COL5A1: variants seen among roughly 807,000 people sequenced by gnomAD.
The protein encoded by COL5A1 is collagen type V alpha 1 chain.
In COL5A1, 16 loss-of-function variants were observed where a neutral mutation model predicts 263.7. That is an observed-to-expected ratio of 0.06 (90% CI 0.04 to 0.09). The LOEUF (loss-of-function observed/expected upper bound fraction) is 0.09. COL5A1 is among the 10% of genes least tolerant of loss of function. The probability of loss-of-function intolerance (pLI) is 1.00; values close to 1 mark genes in which losing one functional copy is unlikely to be tolerated. For synonymous variants in COL5A1, 1,012 were observed against 1,004.5 expected (o/e 1.01, Z -0.14); for missense variants, 2,036 against 2,540.5 (o/e 0.80, Z 4.27).
In COL5A1 at chr9:134,809,405, G is replaced by A. The variant is rs2132839280; in HGVS notation, c.3474+115G>A. 15 of 809,862 alleles carry A rather than the reference G, an allele frequency of 1.9e-5. No individual in the cohort carries two copies. The South Asian group carries it at 2.2e-4, about 12-fold the overall frequency. The allele number at this position is 809,862 out of a possible 1,614,324, so 50.2% of individuals were successfully genotyped here. On this transcript the variant is annotated intron_variant, in intron 43 of 65. Coordinates refer to ENST00000371817, the MANE Select transcript of COL5A1 (RefSeq NM_000093.5). The stretch of plus-strand genomic sequence containing the variant: ...CAGGTAGAGCGGCTCAGCCAGCGGA[G>A]TGATGCCACACCCACCCCGCAGTCC...
intron 64 of COL5A1, among the ~76,000 whole-genome samples, chr9:134,832,177 G>A (rs535095806): frequency 2.0e-4 from 31 of 152,128 alleles, no homozygotes; most frequent in South Asian, 8.3e-4. Context: ...AGGCTGAGGC[G>A]GATGGATCAC....
intron 1 of COL5A1, among the ~76,000 whole-genome samples, chr9:134,657,959 C>T (rs909948504): frequency 2.0e-5 from 3 of 151,924 alleles, no homozygotes; most frequent in African/African-American, 2.4e-5. Flanking sequence ...GAGTCCTGGC[C>T]TGTCGGGTGG....
intron 1 of COL5A1, among the ~76,000 whole-genome samples, chr9:134,672,688 T>A (rs1832571340): frequency 6.6e-6 from 1 of 152,056 alleles, no homozygotes; most frequent in South Asian, 2.1e-4. Context: ...GGTAAGAAAA[T>A]AAAATAAGAG....
At position 134,798,456 on chromosome 9, in the gene COL5A1, G is replaced by A. The variant is rs146348246; in HGVS notation, c.2947G>A (p.Glu983Lys). 30 of 1,614,100 alleles carry A rather than the reference G, an allele frequency of 1.9e-5. No homozygotes were observed. Among genetic ancestry groups the A allele is most frequent in the Non-Finnish European group, 2.5e-5 (30 of 1,179,952 alleles). The change falls in exon 37 of 66, where the codon GAG becomes AAG. Residue 983 changes from glutamate to lysine, a missense_variant. Physicochemically the swap from Glu to Lys is moderately conservative, Grantham distance 56. Coordinates refer to ENST00000371817, the MANE Select transcript of COL5A1 (RefSeq NM_000093.5). ...CCCAGGACACCCTGGACAGAGAGGC[G>A]AGACTGTGAGTATCGAGGGTGCTGG... The part of the protein sequence containing the change: ...GLPGHPGQRG[E>K]TGFQGKTGPP...
intron 4 of COL5A1, among the ~76,000 whole-genome samples, chr9:134,723,548 A>G (rs1364565548): frequency 2.6e-5 from 4 of 152,222 alleles, no homozygotes; most frequent in Admixed American, 2.6e-4. Context: ...AGTTGGGACC[A>G]GTGATGTCTC....
At position 134,789,193 on chromosome 9, in the gene COL5A1, A is replaced by G; in HGVS notation, c.2685A>G (p.Gly895=). 1.2e-6 allele frequency: 2 copies of G among 1,612,932 alleles called. No homozygotes were observed. Among genetic ancestry groups the G allele is most frequent in the East Asian group, 2.2e-5 (1 of 44,884 alleles). Residue 895 remains glycine, a synonymous_variant, in exon 32 of 66, where the codon GGA becomes GGG. Transcript: ENST00000371817. The surrounding 1 kb of genome is among the most constrained non-coding windows in gnomAD (Gnocchi z 4.8). ...TCCCTGGATTTCCTGGCGCCAATGG[A>G]GAGAAGGGCGGCAGGGTAAGGATAG... is the stretch of plus-strand genomic sequence containing the variant. ...IGFPGFPGAN[G]EKGGRGTPGK... is the part of the protein sequence containing the mutation.
chr9:134,669,230 C>CCCTTT (rs1564376282), intron 1 of COL5A1, among the ~76,000 whole-genome samples: 6 of 80,472 alleles, frequency 7.5e-5, no homozygotes, highest in African/African-American at 3.5e-4. Flanking sequence ...CCCTTCCCTT[C>CCCTTT]CCTTTCCTTC....
chr9:134,796,754 C>A, intron 35 of COL5A1, 94 bp from the exon 36 acceptor site: 1 of 1,157,458 alleles, frequency 8.6e-7, no homozygotes. Context: ...GAAATGACAC[C>A]TGCGTTCAGA....
In COL5A1 at chr9:134,716,011, T is replaced by A. The variant is rs889519506; in HGVS notation, c.655-11255T>A. Among the ~76,000 whole-genome samples the A allele has an allele frequency of 6.6e-6, 1 of 151,860 alleles. No homozygotes were observed. The highest frequency in any genetic ancestry group is 2.4e-5 in the African/African-American group (1 of 41,320). On this transcript the variant is annotated intron_variant, in intron 4 of 65. Transcript: ENST00000371817. The surrounding 1 kb of genome is among the most constrained non-coding windows in gnomAD (Gnocchi z 4.5). Reference sequence around the variant, plus strand: ...GTGGTGGTGGTGGTGGTGGTGATGATGTTAGTAGTGTGTTGGTTCTATGGT... The same window carrying A: ...GTGGTGGTGGTGGTGGTGGTGATGAAGTTAGTAGTGTGTTGGTTCTATGGT...
chr9:134,842,906 T>C lies in COL5A1; in HGVS notation c.*603T>C, dbSNP rs188152030. ...AGTAAATATTTGTATTGTATTGTTA[T>C]AAATGTTAAGTGTGCCTGGCTTTCA... On this transcript the variant is annotated 3_prime_UTR_variant, in exon 66 of 66. Coordinates refer to ENST00000371817, the MANE Select transcript of COL5A1 (RefSeq NM_000093.5). The surrounding 1 kb of genome is among the most constrained non-coding windows in gnomAD (Gnocchi z 5.8). The C allele has an allele frequency of 1.3e-5, 2 of 159,074 alleles. No homozygotes were observed. The highest frequency in any genetic ancestry group is 6.2e-5 in the Admixed American group (1 of 16,246). The allele number at this position is 159,074 out of a possible 1,614,324, so 9.9% of individuals were successfully genotyped here. A position where few individuals can be genotyped will look rare whatever the true frequency, so the allele number is the denominator to read the frequency against.
Position 134,647,369 on chromosome 9 carries a change from T to C in COL5A1, c.109+5073T>C, listed in dbSNP as rs1357877972. Among the ~76,000 whole-genome samples the C allele has an allele frequency of 6.6e-6, 1 of 151,776 alleles. No individual in the cohort carries two copies. Among genetic ancestry groups the C allele is most frequent in the Non-Finnish European group, 1.5e-5 (1 of 68,000 alleles). On this transcript the variant is annotated intron_variant, in intron 1 of 65. Coordinates refer to ENST00000371817, the MANE Select transcript of COL5A1 (RefSeq NM_000093.5). The surrounding 1 kb of genome is among the most constrained non-coding windows in gnomAD (Gnocchi z 5.0). ...ATGTGTGCGTTTGTGTGTATGTGTG[T>C]CATGTGTGCGTGTGTGTGTGTGTGT...
At chr9:134,780,079 T>C (rs758186716) in intron 27 of COL5A1, 23 bp from the exon 28 acceptor site, 1 of 1,613,204 alleles carries the variant, frequency 6.2e-7, no homozygotes, top group Non-Finnish European at 8.5e-7. Flanking sequence ...CATTCACTCC[T>C]TTTTCTTTTC....
At chr9:134,743,742 G>A (rs980990588) in intron 11 of COL5A1, among the ~76,000 whole-genome samples, 6 of 152,220 alleles carry the variant, frequency 3.9e-5, no homozygotes, top group African/African-American at 1.4e-4. Flanking sequence ...AGCCCCTCCT[G>A]TCACTCAGCA....
At chr9:134,756,889 CA>C in intron 17 of COL5A1, 71 bp downstream of exon 17, 1 of 1,440,848 alleles carries the variant, frequency 6.9e-7, no homozygotes, top group Non-Finnish European at 9.8e-7. Flanking sequence ...ATGATGTAAC[CA>C]AAATGCTGGT....
chr9:134,738,931 TC>T lies in COL5A1; in HGVS notation c.1494+129del, dbSNP rs112726102. 8.7e-3 allele frequency: 6,945 copies of T among 795,142 alleles called. 186 individuals are homozygous for T. The highest frequency in any genetic ancestry group is 0.055 in the African/African-American group (3,237 of 58,608). 49.3% of individuals were successfully genotyped at this position (795,142 alleles called of 1,614,324 possible). A position where few individuals can be genotyped will look rare whatever the true frequency, so the allele number is the denominator to read the frequency against. On this transcript the variant is annotated intron_variant, in intron 11 of 65. Coordinates refer to ENST00000371817, the MANE Select transcript of COL5A1 (RefSeq NM_000093.5). ...TGACCCAGAGGCTTGTGTCTTCAAATCCCCCCTCACCCAGGCACTCCTCACA... is the reference window on the plus strand; with the variant it reads ...TGACCCAGAGGCTTGTGTCTTCAAATCCCCCTCACCCAGGCACTCCTCACA...
intron 1 of COL5A1, among the ~76,000 whole-genome samples, chr9:134,649,206 G>A (rs1831583555): frequency 1.3e-5 from 2 of 152,184 alleles, no homozygotes; most frequent in African/African-American, 4.8e-5. Context: ...GCTCAGTGGA[G>A]GGGTGCGGGT....
chr9:134,730,908 G>C (rs1834855886), intron 7 of COL5A1, among the ~76,000 whole-genome samples: 1 of 152,222 alleles, frequency 6.6e-6, no homozygotes, highest in South Asian at 2.1e-4. Flanking sequence ...GGGCCGCCCT[G>C]GCTGGGACGG....
chr9:134,838,083 G>T (rs573347191), intron 65 of COL5A1, among the ~76,000 whole-genome samples: 1 of 152,160 alleles, frequency 6.6e-6, no homozygotes, highest in Non-Finnish European at 1.5e-5. Flanking sequence ...TGTACTATCC[G>T]CCCATCGCCT....
chr9:134,760,540 ACC>A lies in COL5A1; in HGVS notation c.1936-1383_1936-1382del, dbSNP rs1486100246. Among the ~76,000 whole-genome samples the A allele has an allele frequency of 3.7e-5, 4 of 109,266 alleles. No homozygotes were observed. In the East Asian group the frequency reaches 9.3e-4, roughly 26 times the overall value. 71.7% of individuals were successfully genotyped at this position (109,266 alleles called of 152,430 possible). On this transcript the variant is annotated intron_variant, in intron 18 of 65. Transcript: ENST00000371817. ...CACCCACACACCCCCACACTCATACACCCACACACACACGCACATACACACCC... is the reference window on the plus strand; with the variant it reads ...CACCCACACACCCCCACACTCATACACACACACACACGCACATACACACCC...
Sources: allele counts gnomAD v4.1 joint callset (sites outside exome capture counted in the v4.1 genomes callset), GRCh38; gene constraint gnomAD v4.1.1; non-coding constraint Gnocchi (gnomAD v3.1); transcripts MANE v1.5; gene names NCBI Gene and HGNC (gene_info 2026-07-23, HGNC 2026-07-21).